MKLN1: variants seen among roughly 807,000 people sequenced by gnomAD.
The protein encoded by MKLN1 is muskelin.
MKLN1 carries 18 observed loss-of-function variants against 99.0 expected under a neutral mutation model. The observed-to-expected ratio is 0.18, with a 90% CI of 0.13 to 0.27. The LOEUF is 0.27. Among genes scored for constraint, MKLN1 ranks in the 10% least tolerant of loss-of-function variants. The pLI is 1.00. For synonymous variants in MKLN1, 288 were observed against 293.2 expected (o/e 0.98, Z 0.18); for missense variants, 621 against 875.9 (o/e 0.71, Z 3.67).
At chr7:131,343,550 TCTC>T (rs1488894247) in intron 1 of MKLN1, among the ~76,000 whole-genome samples, 4 of 152,206 alleles carry the variant, frequency 2.6e-5, no homozygotes, top group African/African-American at 7.2e-5. Context: ...TAACATTTAT[TCTC>T]CTCATTATTT....
chr7:131,387,717 A>G (rs940179876), intron 3 of MKLN1, among the ~76,000 whole-genome samples: 1 of 152,240 alleles, frequency 6.6e-6, no homozygotes, highest in African/African-American at 2.4e-5. Flanking sequence ...AAGATGCGTG[A>G]CTACGCCAAG....
chr7:131,370,187 G>A (rs1325350857), intron 1 of MKLN1, among the ~76,000 whole-genome samples: 1 of 152,016 alleles, frequency 6.6e-6, no homozygotes, highest in African/African-American at 2.4e-5. Flanking sequence ...TTCTTCTGAT[G>A]GATATTCAGT....
At chr7:131,453,760 A>T (rs201811031) in intron 12 of MKLN1, among the ~76,000 whole-genome samples, 1 of 152,176 alleles carries the variant, frequency 6.6e-6, no homozygotes, top group Non-Finnish European at 1.5e-5. Flanking sequence ...AATATAAAAA[A>T]TTGTTAAAAT....
chr7:131,296,044 C>T (rs1259565462), intron 3 of MKLN1, among the ~76,000 whole-genome samples: 3 of 152,108 alleles, frequency 2.0e-5, no homozygotes, highest in Non-Finnish European at 4.4e-5. Context: ...GTGAAACTTA[C>T]ACTGTCGATG....
intron 1 of MKLN1, among the ~76,000 whole-genome samples, chr7:131,349,090 T>TA (rs561510273): frequency 5.0e-4 from 76 of 152,226 alleles, no homozygotes; most frequent in Non-Finnish European, 2.1e-4. Flanking sequence ...CCAACAAAGA[T>TA]ATTTTAAGAA....
intron 2 of MKLN1, among the ~76,000 whole-genome samples, chr7:131,385,263 A>T (rs925708174): frequency 6.6e-6 from 1 of 152,190 alleles, no homozygotes; most frequent in Non-Finnish European, 1.5e-5. Flanking sequence ...CAGTCGACGG[A>T]CATTTGGGTT....
At chr7:131,222,146 G>A (rs1340673659) in intron 3 of MKLN1, among the ~76,000 whole-genome samples, 3 of 148,944 alleles carry the variant, frequency 2.0e-5, no homozygotes, top group African/African-American at 5.0e-5. Context: ...TGCCCACCTC[G>A]GCCTCCCGAA....
At chr7:131,469,797 T>C (rs1325007313) in intron 15 of MKLN1, among the ~76,000 whole-genome samples, 2 of 152,010 alleles carry the variant, frequency 1.3e-5, no homozygotes, top group African/African-American at 4.8e-5. Context: ...CTTTTTCAAA[T>C]AGATATATAG....
intron 2 of MKLN1, among the ~76,000 whole-genome samples, chr7:131,155,692 G>T (rs118028091): frequency 1.6e-4 from 24 of 152,224 alleles, no homozygotes; most frequent in South Asian, 6.2e-4. Context: ...CAGCTAGAGC[G>T]ATCTTAAAGA....
Position 131,185,305 on chromosome 7 carries a change from C to T in MKLN1, c.-296-17552C>T, listed in dbSNP as rs78242369. 1.4e-4 allele frequency among the ~76,000 whole-genome samples: 22 copies of T among 152,036 alleles called. 1 individual carries two copies. Among genetic ancestry groups the T allele is most frequent in the South Asian group, 8.3e-4 (4 of 4,812 alleles). ...AACTACTTTCCCTAGGGGCCCGGCA[C>T]GGTGGCTCACACCTGTAATCCCAGC... On this transcript the variant is annotated intron_variant, in intron 2 of 7. Coordinates refer to the MKLN1 transcript ENST00000416992.
intron 17 of MKLN1, among the ~76,000 whole-genome samples, chr7:131,486,225 TAAA>T (rs1156231931): frequency 7.2e-6 from 1 of 138,660 alleles, no homozygotes; most frequent in East Asian, 2.1e-4. Context: ...TTTTTCAAAA[TAAA>T]AAGTTGAAAA....
At chr7:131,263,050 C>A (rs941615402) in intron 3 of MKLN1, among the ~76,000 whole-genome samples, 2 of 152,006 alleles carry the variant, frequency 1.3e-5, no homozygotes, top group Non-Finnish European at 2.9e-5. Context: ...AAAGTTAGAC[C>A]TAAAGGCTTG....
intron 8 of MKLN1, among the ~76,000 whole-genome samples, chr7:131,416,040 C>T (rs1563337030): frequency 2.0e-5 from 3 of 152,030 alleles, no homozygotes; most frequent in African/African-American, 2.4e-5. Context: ...AAGCAGTCCG[C>T]CTGCTGCAAC....
At chr7:131,167,389 A>T (rs1025538713) in intron 2 of MKLN1, among the ~76,000 whole-genome samples, 3 of 152,162 alleles carry the variant, frequency 2.0e-5, no homozygotes, top group Admixed American at 1.3e-4. Flanking sequence ...GTGGAAAAGA[A>T]GGCCAGGTAT....
At chr7:131,482,130 T>C (rs1482244290) in intron 17 of MKLN1, among the ~76,000 whole-genome samples, 2 of 152,196 alleles carry the variant, frequency 1.3e-5, no homozygotes, top group Non-Finnish European at 2.9e-5. Flanking sequence ...ATTAAACTTA[T>C]TTTCAGCAGG....
At chr7:131,416,979 CAAAAA>C (rs374145180) in intron 8 of MKLN1, among the ~76,000 whole-genome samples, 5 of 49,564 alleles carry the variant, frequency 1.0e-4, no homozygotes, top group Non-Finnish European at 1.3e-4. Context: ...GCAACCCTGT[CAAAAA>C]AAAAAAAAAA....
At chr7:131,374,739 A>G (rs4731796) in intron 1 of MKLN1, among the ~76,000 whole-genome samples, 22,453 of 151,980 alleles carry the variant, frequency 0.15, 2,004 homozygotes, top group African/African-American at 0.23. Flanking sequence ...TTTTGATGGT[A>G]TGCCTAAAAG....
intron 3 of MKLN1, among the ~76,000 whole-genome samples, chr7:131,297,206 A>G (rs138031423): frequency 0.016 from 2,392 of 152,142 alleles, 56 homozygotes; most frequent in African/African-American, 0.054. Flanking sequence ...CTAAAAATAT[A>G]AAAAATTAGC....
intron 2 of MKLN1, among the ~76,000 whole-genome samples, chr7:131,200,102 G>A (rs1308648992): frequency 1.3e-5 from 2 of 152,098 alleles, no homozygotes; most frequent in Non-Finnish European, 1.5e-5. Context: ...TCTGCCTCCT[G>A]GGCTCAAGCC....
Sources: allele counts gnomAD v4.1 joint callset (sites outside exome capture counted in the v4.1 genomes callset), GRCh38; gene constraint gnomAD v4.1.1; transcripts MANE v1.5; gene names NCBI Gene and HGNC (gene_info 2026-07-23, HGNC 2026-07-21).